Variants in OPRM1 observed in about 807,000 individuals in gnomAD.
OPRM1 encodes the protein opioid receptor mu 1.
A neutral mutation model predicts 31.8 loss-of-function variants in OPRM1; 27 were observed. The ratio of observed to expected loss-of-function variants is 0.85; its 90% CI spans 0.63 to 1.17. OPRM1 has a LOEUF of 1.17. Among genes scored for constraint, OPRM1 ranks in the 50% most tolerant of loss-of-function variants. The probability of loss-of-function intolerance (pLI) is 0.00; values close to 1 mark genes in which losing one functional copy is unlikely to be tolerated. For missense variants in OPRM1, 536 were observed against 511.1 expected, an observed-to-expected ratio of 1.05 and a Z score of -0.47; for synonymous variants, 196 against 189.9, an observed-to-expected ratio of 1.03 and a Z score of -0.26.
chr6:154,118,639 C>T lies in OPRM1; in HGVS notation c.1165-44C>T, dbSNP rs202080774. 78 of 1,591,576 alleles carry T rather than the reference C, an allele frequency of 4.9e-5. 4 individuals are homozygous for T. Among genetic ancestry groups the T allele is most frequent in the Admixed American group, 3.2e-4 (19 of 59,650 alleles). On this transcript the variant is annotated intron_variant, in intron 3 of 3. Transcript: ENST00000330432. ...ATGCTCAACAAATGTGTGTTGCAAC[C>T]GTATCTGAAATGTTCACTGTCTTTG...
At chr6:154,076,916 A>G (rs1262817973) in intron 1 of OPRM1, among the ~76,000 whole-genome samples, 2 of 152,204 alleles carry the variant, frequency 1.3e-5, no homozygotes, top group Non-Finnish European at 2.9e-5. Flanking sequence ...ATTCAGGTCC[A>G]TGAATGTGGA....
At chr6:154,067,615 G>A (rs1378432730) in intron 1 of OPRM1, among the ~76,000 whole-genome samples, 2 of 151,900 alleles carry the variant, frequency 1.3e-5, no homozygotes, top group African/African-American at 4.8e-5. Context: ...GCATGTAAGA[G>A]GAATGTTTTC....
chr6:154,174,521 C>T (rs1441707222), intron 3 of OPRM1, among the ~76,000 whole-genome samples: 2 of 152,066 alleles, frequency 1.3e-5, no homozygotes, highest in African/African-American at 4.8e-5. Context: ...GGGTTGCAAT[C>T]CTGGTCTCTG....
At chr6:154,147,443 A>C (rs767704311) in intron 3 of OPRM1, among the ~76,000 whole-genome samples, 3 of 152,050 alleles carry the variant, frequency 2.0e-5, no homozygotes, top group Non-Finnish European at 4.4e-5. Context: ...ATTTTCCTTC[A>C]CTTGCGTTTC....
At chr6:154,023,625 C>G (rs944529884) in intron 1 of OPRM1, among the ~76,000 whole-genome samples, 3 of 152,100 alleles carry the variant, frequency 2.0e-5, no homozygotes, top group Non-Finnish European at 2.9e-5. Flanking sequence ...TGCCATGCTT[C>G]TGATCTTAGA....
intron 3 of OPRM1, among the ~76,000 whole-genome samples, chr6:154,208,393 G>A (rs530316986): frequency 6.6e-6 from 1 of 152,256 alleles, no homozygotes; most frequent in African/African-American, 2.4e-5. Context: ...CTCTCAGTCG[G>A]ACGTGTCCTG....
chr6:154,151,233 T>A (rs1798491569), intron 3 of OPRM1, among the ~76,000 whole-genome samples: 3 of 152,196 alleles, frequency 2.0e-5, no homozygotes, highest in Admixed American at 2.0e-4. Flanking sequence ...AAATGGAGTC[T>A]TGGGACCGTG....
chr6:154,175,984 C>T (rs191428817), intron 3 of OPRM1, among the ~76,000 whole-genome samples: 2 of 152,232 alleles, frequency 1.3e-5, no homozygotes, highest in Admixed American at 1.3e-4. Context: ...ACAATCAAGT[C>T]GGCTTCATCC....
At chr6:154,137,468 T>C (rs916399335) in intron 3 of OPRM1, among the ~76,000 whole-genome samples, 4 of 152,162 alleles carry the variant, frequency 2.6e-5, no homozygotes, top group Admixed American at 6.5e-5. Context: ...GAAATATTTT[T>C]CTATAATTTA....
intron 3 of OPRM1, among the ~76,000 whole-genome samples, chr6:154,152,347 G>GAAAGGAAAGAAAGAAAGAAA: frequency 4.8e-4 from 31 of 65,122 alleles, no homozygotes; most frequent in African/African-American, 6.1e-4. Context: ...AAGAAAGAAA[G>GAAAGGAAAGAAAGAAAGAAA]GAAAGAAAGA....
chr6:154,045,180 G>A lies in OPRM1; in HGVS notation c.290+5346G>A, dbSNP rs569417125. ...GCAAAGGCTGCAGCGAGCCGAGATC[G>A]CACCACTGCACTCCAGCCTGTGCAA... On this transcript the variant is annotated intron_variant, in intron 1 of 3. Transcript: ENST00000330432. 1.6e-4 allele frequency among the ~76,000 whole-genome samples: 24 copies of A among 151,932 alleles called. No individual in the cohort carries two copies. In the South Asian group the frequency reaches 2.1e-3, roughly 13 times the overall value.
intron 3 of OPRM1, among the ~76,000 whole-genome samples, chr6:154,192,142 T>A (rs1408047266): frequency 6.6e-6 from 1 of 152,256 alleles, no homozygotes; most frequent in Non-Finnish European, 1.5e-5. Context: ...GTGGAACTGC[T>A]GGCCATGATG....
At chr6:154,048,712 C>G (rs1781632528) in intron 1 of OPRM1, among the ~76,000 whole-genome samples, 1 of 152,164 alleles carries the variant, frequency 6.6e-6, no homozygotes, top group African/African-American at 2.4e-5. Context: ...GCTTTTATCA[C>G]TTGAGTCATG....
At position 154,021,604 on chromosome 6, in the gene OPRM1, CTATT is replaced by C. The variant is rs1000094517; in HGVS notation, c.-1+10593_-1+10596del. ...TTATCCAAAAACATGGAATCTTTCT[CTATT>C]TATTTAGCTTTTAATTTCTTCATCA... is the stretch of plus-strand genomic sequence containing the variant. On this transcript the variant is annotated intron_variant, in intron 1 of 5. Transcript: ENST00000434900. 5.3e-4 allele frequency among the ~76,000 whole-genome samples: 80 copies of C among 150,474 alleles called. 1 individual carries two copies. The highest frequency in any genetic ancestry group is 2.3e-3 in the Admixed American group (35 of 15,222).
At chr6:154,061,412 A>G (rs1383096661) in intron 1 of OPRM1, among the ~76,000 whole-genome samples, 2 of 152,282 alleles carry the variant, frequency 1.3e-5, no homozygotes, top group East Asian at 3.9e-4. Flanking sequence ...GATATATCTC[A>G]CTGTAGAACC....
At position 154,055,413 on chromosome 6, in the gene OPRM1, A is replaced by T. The variant is rs370779318; in HGVS notation, c.290+15579A>T. ...AAAAAATTAATGAATAAACAAAAAA[A>T]AAAAAATAAAAGCTAGAGAGTTTTA... On this transcript the variant is annotated intron_variant, in intron 1 of 3. Coordinates refer to ENST00000330432, the MANE Select transcript of OPRM1 (RefSeq NM_000914.5). Among the ~76,000 whole-genome samples the T allele has an allele frequency of 2.8e-3, 421 of 152,216 alleles. 2 individuals carry two copies. The highest frequency in any genetic ancestry group is 9.3e-3 in the African/African-American group (386 of 41,524).
intron 3 of OPRM1, chr6:154,093,532 C>T (rs1020893962): frequency 1.3e-6 from 2 of 1,560,114 alleles, no homozygotes; most frequent in Admixed American, 1.9e-5. Context: ...ATTGTACAGC[C>T]AGATAGAAGA....
chr6:154,100,427 C>A (rs1424222485), intron 3 of OPRM1, among the ~76,000 whole-genome samples: 2 of 151,542 alleles, frequency 1.3e-5, no homozygotes, highest in Non-Finnish European at 2.9e-5. Context: ...GTGCTTGTTG[C>A]TTTACTGTGT....
chr6:154,242,824 G>C (rs780689654), intron 3 of OPRM1, among the ~76,000 whole-genome samples: 1 of 152,076 alleles, frequency 6.6e-6, no homozygotes, highest in Non-Finnish European at 1.5e-5. Flanking sequence ...GGAGGCAGAG[G>C]TTGCAGTGAG....
Sources: allele counts gnomAD v4.1 joint callset (sites outside exome capture counted in the v4.1 genomes callset), GRCh38; gene constraint gnomAD v4.1.1; transcripts MANE v1.5; gene names NCBI Gene and HGNC (gene_info 2026-07-23, HGNC 2026-07-21).